Variants in ARK2N observed in about 807,000 individuals in gnomAD.
ARK2N encodes arkadia (RNF111) N-terminal like PKA signaling regulator 2N.
At chr18:46,218,970 A>G in the ARK2N span, 1 of 152,232 alleles carries the variant, frequency 6.6e-6, no homozygotes, top group East Asian at 1.9e-4. Context: ...CCAATTTAGT[A>G]ATTCAGAAAA....
chr18:46,197,126 A>G, the ARK2N span, among the ~76,000 whole-genome samples: 2 of 152,208 alleles, frequency 1.3e-5, no homozygotes, highest in African/African-American at 4.8e-5. Flanking sequence ...GAAGGGAGGA[A>G]CATTAAAGAA....
At chr18:46,208,627 G>A in the ARK2N span, among the ~76,000 whole-genome samples, 6 of 151,898 alleles carry the variant, frequency 4.0e-5, no homozygotes, top group East Asian at 9.7e-4. Context: ...GTGCCACCAT[G>A]CCCAGCTAAT....
At chr18:46,198,233 C>T in the ARK2N span, among the ~76,000 whole-genome samples, 2 of 146,784 alleles carry the variant, frequency 1.4e-5, no homozygotes, top group Non-Finnish European at 3.0e-5. Flanking sequence ...CACTTGAACC[C>T]GGGAGGTGGA....
At chr18:46,220,519 T>A in the ARK2N span, among the ~76,000 whole-genome samples, 1 of 152,218 alleles carries the variant, frequency 6.6e-6, no homozygotes, top group Non-Finnish European at 1.5e-5. Context: ...AATAGAAATA[T>A]TTGAAGTAGA....
the ARK2N span, among the ~76,000 whole-genome samples, chr18:46,251,557 C>G: frequency 2.0e-5 from 3 of 152,008 alleles, no homozygotes; most frequent in African/African-American, 7.3e-5. Context: ...ATATATGCAT[C>G]ATTTTCAGTC....
At chr18:46,252,014 G>A in the ARK2N span, among the ~76,000 whole-genome samples, 4 of 152,092 alleles carry the variant, frequency 2.6e-5, no homozygotes, top group East Asian at 2.0e-4. Flanking sequence ...CCAACGTGAC[G>A]AAACCCCATC....
the ARK2N span, among the ~76,000 whole-genome samples, chr18:46,227,677 A>C: frequency 6.6e-6 from 1 of 152,038 alleles, no homozygotes; most frequent in Admixed American, 6.6e-5. Context: ...GACTCACTGC[A>C]ACTTCCGCCT....
At chr18:46,214,274 C>G in the ARK2N span, among the ~76,000 whole-genome samples, 2 of 152,116 alleles carry the variant, frequency 1.3e-5, no homozygotes, top group Non-Finnish European at 2.9e-5. Flanking sequence ...ATGGAGATGC[C>G]ATATTGCACC....
the ARK2N span, chr18:46,216,678 A>C: frequency 8.0e-7 from 1 of 1,255,738 alleles, no homozygotes; most frequent in Non-Finnish European, 1.1e-6. This position sits in a 1 kb window ranked among gnomAD's most constrained non-coding sequence, Gnocchi z 4.3. Flanking sequence ...GTGACACTTG[A>C]AAAAATCCAG....
chr18:46,181,979 A>T, the ARK2N span, among the ~76,000 whole-genome samples: 1 of 152,146 alleles, frequency 6.6e-6, no homozygotes, highest in Non-Finnish European at 1.5e-5. Flanking sequence ...AGTAGAAGTT[A>T]TTTTTTTACT....
the ARK2N span, among the ~76,000 whole-genome samples, chr18:46,189,170 A>T: frequency 6.8e-6 from 1 of 147,280 alleles, no homozygotes; most frequent in East Asian, 2.1e-4. Flanking sequence ...AGCCAAGATT[A>T]TGCCACTGCA....
At chr18:46,251,658 A>G in the ARK2N span, among the ~76,000 whole-genome samples, 1 of 152,334 alleles carries the variant, frequency 6.6e-6, no homozygotes, top group East Asian at 1.9e-4. Flanking sequence ...CTTTACTCAG[A>G]ATCTACATAT....
At chr18:46,202,505 CTA>C in the ARK2N span, among the ~76,000 whole-genome samples, 1 of 152,074 alleles carries the variant, frequency 6.6e-6, no homozygotes, top group Non-Finnish European at 1.5e-5. Context: ...AAGGAAGAGA[CTA>C]TATTTGTTTG....
the ARK2N span, among the ~76,000 whole-genome samples, chr18:46,262,453 T>A: frequency 6.6e-6 from 1 of 152,330 alleles, no homozygotes; most frequent in African/African-American, 2.4e-5. Flanking sequence ...ATTTAATCTG[T>A]GAAAGGGTAT....
At chr18:46,259,614 T>A in the ARK2N span, among the ~76,000 whole-genome samples, 1 of 151,818 alleles carries the variant, frequency 6.6e-6, no homozygotes, top group African/African-American at 2.4e-5. Context: ...CTTATTTTTT[T>A]GTTTTTATTT....
the ARK2N span, among the ~76,000 whole-genome samples, chr18:46,245,151 T>G: frequency 6.6e-6 from 1 of 152,070 alleles, no homozygotes; most frequent in Non-Finnish European, 1.5e-5. Context: ...AGGCTGGTCT[T>G]GCCCTCCTGA....
chr18:46,245,023 T>G, the ARK2N span, among the ~76,000 whole-genome samples: 2 of 151,910 alleles, frequency 1.3e-5, no homozygotes, highest in Non-Finnish European at 2.9e-5. Flanking sequence ...ATCTGCCTCC[T>G]CGTTCAAGTG....
the ARK2N span, among the ~76,000 whole-genome samples, chr18:46,221,652 T>A: frequency 6.6e-6 from 1 of 152,162 alleles, no homozygotes; most frequent in Non-Finnish European, 1.5e-5. Flanking sequence ...TTTGGTAAAG[T>A]CTGTTCATAT....
the ARK2N span, chr18:46,253,650 G>A: frequency 6.3e-7 from 1 of 1,581,098 alleles, no homozygotes. Context: ...CTGTTTGTGA[G>A]GAATAAAATT....
Sources: allele counts gnomAD v4.1 joint callset (sites outside exome capture counted in the v4.1 genomes callset), GRCh38; gene constraint gnomAD v4.1.1; non-coding constraint Gnocchi (gnomAD v3.1); transcripts MANE v1.5; gene names NCBI Gene and HGNC (gene_info 2026-07-23, HGNC 2026-07-21).